The following HPD variants were observed in gnomAD, a reference collection of about 807,000 sequenced individuals.
HPD encodes the protein 4-hydroxyphenylpyruvic acid oxidase.
HPD carries 35 observed loss-of-function variants against 56.9 expected under a neutral mutation model. The observed-to-expected ratio is 0.62, with a 90% CI of 0.47 to 0.82. HPD has a LOEUF of 0.82. Ranked by LOEUF, HPD falls within the 40% of genes least tolerant of loss-of-function variation. The pLI, the probability that HPD is intolerant of heterozygous loss-of-function variation, is 0.00. For missense variants in HPD, 442 were observed against 506.8 expected (o/e 0.87, Z 1.23); for synonymous variants, 186 against 200.2 (o/e 0.93, Z 0.60).
Position 121,839,702 on chromosome 12 carries a change from T to A in HPD, c.*26A>T, listed in dbSNP as rs562851478. On this transcript the variant is annotated 3_prime_UTR_variant, in exon 14 of 14. Transcript: ENST00000289004. Reference sequence around the variant, plus strand: ...GAATCAGGGGGCGTGGCTGTGTGGCTGTGGCCTCCGTGGGGTGGGCGGGGC... The same window carrying A: ...GAATCAGGGGGCGTGGCTGTGTGGCAGTGGCCTCCGTGGGGTGGGCGGGGC... 8 of 1,510,378 alleles carry A rather than the reference T, an allele frequency of 5.3e-6. No individual in the cohort carries two copies. Among genetic ancestry groups the A allele is most frequent in the Non-Finnish European group, 7.4e-6 (8 of 1,085,716 alleles). 93.6% of individuals were successfully genotyped at this position (1,510,378 alleles called of 1,614,324 possible).
At chr12:121,873,614 C>T in the HPD span, among the ~76,000 whole-genome samples, 1 of 151,554 alleles carries the variant, frequency 6.6e-6, no homozygotes, top group African/African-American at 2.4e-5. Context: ...GTCAGGAGAT[C>T]GAGACCATCC....
the HPD span, among the ~76,000 whole-genome samples, chr12:121,870,434 G>A: frequency 1.7e-4 from 26 of 151,342 alleles, 1 homozygote; most frequent in Non-Finnish European, 3.5e-4. Context: ...CTTGAACCAG[G>A]AGGCGGAGGT....
chr12:121,878,097 C>T, the HPD span, among the ~76,000 whole-genome samples: 1 of 152,064 alleles, frequency 6.6e-6, no homozygotes, highest in African/African-American at 2.4e-5. Context: ...TATTCTGGAA[C>T]CAGATAGAGG....
At chr12:121,880,662 T>G in the HPD span, among the ~76,000 whole-genome samples, 3 of 152,192 alleles carry the variant, frequency 2.0e-5, no homozygotes, top group African/African-American at 7.2e-5. Flanking sequence ...CTTATTACTA[T>G]TTTATGTTTT....
At chr12:121,884,525 T>C in the HPD span, among the ~76,000 whole-genome samples, 13 of 152,200 alleles carry the variant, frequency 8.5e-5, no homozygotes, top group African/African-American at 3.1e-4. Context: ...CAGGCTGGTC[T>C]TAAACTCCTG....
the HPD span, among the ~76,000 whole-genome samples, chr12:121,869,602 G>A: frequency 2.0e-5 from 3 of 148,634 alleles, no homozygotes; most frequent in African/African-American, 7.5e-5. Flanking sequence ...TCGGCCCACT[G>A]CAACCTCTGC....
At chr12:121,864,406 A>G (rs1258416109), upstream of HPD, among the ~76,000 whole-genome samples, 1 of 151,806 alleles carries the variant, frequency 6.6e-6, no homozygotes, top group Admixed American at 6.6e-5. Context: ...TTTAAAAAGT[A>G]GCCGGCTATA....
chr12:121,864,454 A>T, upstream of HPD, among the ~76,000 whole-genome samples: 1 of 150,686 alleles, frequency 6.6e-6, no homozygotes, highest in Admixed American at 6.6e-5. Context: ...TCAGGAGGCT[A>T]AGTGGGGAAG....
At chr12:121,886,329 C>G in the HPD span, among the ~76,000 whole-genome samples, 1 of 150,582 alleles carries the variant, frequency 6.6e-6, no homozygotes, top group African/African-American at 2.4e-5. Context: ...AGGATGGTCT[C>G]GATCTCCTAA....
At chr12:121,851,699 A>ATTTTTTT (rs1284294966) in intron 7 of HPD, among the ~76,000 whole-genome samples, 6 of 12,392 alleles carry the variant, frequency 4.8e-4, no homozygotes, top group South Asian at 3.1e-3. Flanking sequence ...TTATTTATTT[A>ATTTTTTT]TTTTTTTTTT....
the HPD span, among the ~76,000 whole-genome samples, chr12:121,879,162 G>T: frequency 6.6e-6 from 1 of 152,062 alleles, no homozygotes; most frequent in African/African-American, 2.4e-5. Flanking sequence ...GTGGGCACCT[G>T]TAATCCCAGC....
chr12:121,865,327 T>A (rs1325334937), upstream of HPD, among the ~76,000 whole-genome samples: 1 of 151,106 alleles, frequency 6.6e-6, no homozygotes, highest in Non-Finnish European at 1.5e-5. Context: ...TGGAGTGCAC[T>A]GGCATGATCT....
chr12:121,850,877 T>G (rs1368484323), intron 7 of HPD, among the ~76,000 whole-genome samples: 1 of 151,166 alleles, frequency 6.6e-6, no homozygotes, highest in African/African-American at 2.4e-5. Flanking sequence ...TTTTTTTTTT[T>G]TTTGAGACAG....
chr12:121,871,724 G>A, the HPD span, among the ~76,000 whole-genome samples: 1 of 152,094 alleles, frequency 6.6e-6, no homozygotes. Context: ...GGCTGGGAGG[G>A]ACCAGAGAGT....
chr12:121,865,416 C>G (rs1026531566), upstream of HPD, among the ~76,000 whole-genome samples: 8 of 151,086 alleles, frequency 5.3e-5, no homozygotes, highest in African/African-American at 1.9e-4. Context: ...ATTATGGGTG[C>G]CCGCCACCAC....
chr12:121,845,262 GCAC>G (rs1877540041), intron 11 of HPD, among the ~76,000 whole-genome samples: 1 of 149,184 alleles, frequency 6.7e-6, no homozygotes, highest in Admixed American at 6.6e-5. Flanking sequence ...CCACAGGTGT[GCAC>G]CACCACACCT....
chr12:121,872,299 C>T, the HPD span, among the ~76,000 whole-genome samples: 1 of 150,462 alleles, frequency 6.6e-6, no homozygotes, highest in Non-Finnish European at 1.5e-5. Context: ...TGGTGCACTC[C>T]CACTGCAACC....
chr12:121,859,174 C>T (rs183123835), upstream of HPD: 110 of 389,656 alleles, frequency 2.8e-4, 1 homozygote, highest in East Asian at 3.9e-3. Flanking sequence ...AGTGCAGTGG[C>T]GGCTCCAGAA....
chr12:121,854,920 A>T, intron 6 of HPD, 128 bp from the exon 7 acceptor site: 1 of 740,044 alleles, frequency 1.4e-6, no homozygotes, highest in Non-Finnish European at 2.5e-6. Context: ...CCCAGGTAGG[A>T]ACCCCAGCCA....
Sources: allele counts gnomAD v4.1 joint callset (sites outside exome capture counted in the v4.1 genomes callset), GRCh38; gene constraint gnomAD v4.1.1; transcripts MANE v1.5; gene names NCBI Gene and HGNC (gene_info 2026-07-23, HGNC 2026-07-21).